The following MTCL1 variants were observed in gnomAD, a reference collection of about 807,000 sequenced individuals.
The protein encoded by MTCL1 is microtubule crosslinking factor 1, also known as microtubule cross-linking factor 1.
In MTCL1, 79 loss-of-function variants were observed where a neutral mutation model predicts 141.4. That is an observed-to-expected ratio of 0.56 (90% confidence interval 0.47 to 0.67). MTCL1 has a LOEUF of 0.67. MTCL1 is among the 30% of genes least tolerant of loss of function. The pLI, the probability that MTCL1 is intolerant of heterozygous loss-of-function variation, is 0.00. For missense variants in MTCL1, 2,177 were observed against 2,113.9 expected (o/e 1.03, Z -0.59); for synonymous variants, 914 against 875.8 (o/e 1.04, Z -0.77).
intron 7 of MTCL1, chr18:8,789,332 T>C (rs1187166629): frequency 1.1e-6 from 1 of 902,156 alleles, no homozygotes; most frequent in African/African-American, 1.8e-5. Flanking sequence ...CAGGACAAAA[T>C]GGAACCCTCC....
In MTCL1 at chr18:8,726,516, AGCGAGAGAGAGCGAGTGCGCATGCGCGC is replaced by A. The variant is rs2096214899; in HGVS notation, c.357+6024_357+6051del. 6.5e-5 allele frequency among the ~76,000 whole-genome samples: 8 copies of A among 123,034 alleles called. 1 individual carries two copies. Among genetic ancestry groups the A allele is most frequent in the South Asian group, 2.5e-4 (1 of 3,956 alleles). 80.7% of individuals were successfully genotyped at this position (123,034 alleles called of 152,430 possible). A position where few individuals can be genotyped will look rare whatever the true frequency, so the allele number is the denominator to read the frequency against. On this transcript the variant is annotated intron_variant, in intron 4 of 16. Coordinates refer to ENST00000359865, the Ensembl canonical transcript of MTCL1. Reference sequence around the variant, plus strand: ...GAGAGCGCGCGCGCGCGCAAGAGCGAGCGAGAGAGAGCGAGTGCGCATGCGCGCGCGCAACAAGCAATGTTCTGGTGTT... The same window carrying A: ...GAGAGCGCGCGCGCGCGCAAGAGCGAGCGCAACAAGCAATGTTCTGGTGTT...
chr18:8,813,313 G>C, intron 12 of MTCL1, 80 bp downstream of exon 11: 2 of 1,483,452 alleles, frequency 1.3e-6, no homozygotes, highest in Non-Finnish European at 1.8e-6. Context: ...AAAGCACTAG[G>C]CTGCTTCATG....
upstream of MTCL1, among the ~76,000 whole-genome samples, chr18:8,713,909 C>T (rs543563482): frequency 2.0e-5 from 3 of 152,242 alleles, no homozygotes; most frequent in East Asian, 5.8e-4. Flanking sequence ...CACCACTGCG[C>T]TCCAGGTTGG....
chr18:8,781,330 C>T (rs1039488572), intron 5 of MTCL1, among the ~76,000 whole-genome samples: 2 of 152,054 alleles, frequency 1.3e-5, no homozygotes, highest in Admixed American at 6.6e-5. Context: ...ACCCCAGCAG[C>T]GATGATAGCA....
chr18:8,706,835 TC>T (rs2096060660), intron 1 of MTCL1, 122 bp downstream of exon 1: 2 of 1,414,764 alleles, frequency 1.4e-6, no homozygotes, highest in South Asian at 1.5e-5. Context: ...CTCTCCACGG[TC>T]CTACCCCCGC....
In MTCL1 at chr18:8,779,922, C is replaced by T. The variant is rs368862096; in HGVS notation, c.417+2030C>T. 5.3e-5 allele frequency among the ~76,000 whole-genome samples: 8 copies of T among 152,114 alleles called. No homozygotes were observed. Among genetic ancestry groups the T allele is most frequent in the South Asian group, 2.1e-4 (1 of 4,800 alleles). ...TGACCTGGGTTTAGGTTCATGGAGA[C>T]GGAGGAGAATTGTTCTATGATAGAT... On this transcript the variant is annotated intron_variant, in intron 5 of 16. Transcript: ENST00000359865. The surrounding 1 kb of genome is among the most constrained non-coding windows in gnomAD (Gnocchi z 4.1).
chr18:8,832,256 G>T, exon 17 of MTCL1: 1 of 175,168 alleles, frequency 5.7e-6, no homozygotes, highest in Non-Finnish European at 1.2e-5. Context: ...TTTTGTCAGT[G>T]TTACTGTTTT....
chr18:8,766,632 C>T lies in MTCL1; in HGVS notation c.358-11201C>T, dbSNP rs528361985. On this transcript the variant is annotated intron_variant, in intron 4 of 16. Transcript: ENST00000359865. ...GCCTGTGTGTTCATTCCAGACAGCA[C>T]CAGAGATAATCAAACTGACTTCTTT... 2.0e-5 allele frequency among the ~76,000 whole-genome samples: 3 copies of T among 152,300 alleles called. No individual in the cohort carries two copies. In the South Asian group the frequency reaches 6.2e-4, roughly 32 times the overall value.
chr18:8,789,334 G>A (rs538469390), intron 7 of MTCL1: 2 of 906,870 alleles, frequency 2.2e-6, no homozygotes, highest in South Asian at 5.1e-5. Context: ...GGACAAAATG[G>A]AACCCTCCAG....
chr18:8,714,550 G>A (rs762705348), upstream of MTCL1, among the ~76,000 whole-genome samples: 2 of 152,160 alleles, frequency 1.3e-5, no homozygotes, highest in Admixed American at 6.5e-5. Context: ...CAAAGGAGGA[G>A]CAAAGACACA....
At chr18:8,795,709 C>T (rs1010223697) in intron 8 of MTCL1, among the ~76,000 whole-genome samples, 3 of 152,166 alleles carry the variant, frequency 2.0e-5, no homozygotes, top group Non-Finnish European at 4.4e-5. Context: ...CCTGCATATT[C>T]GGAAGAATTC....
At chr18:8,749,686 T>TG (rs2096360504) in intron 4 of MTCL1, among the ~76,000 whole-genome samples, 1 of 152,130 alleles carries the variant, frequency 6.6e-6, no homozygotes, top group Admixed American at 6.5e-5. Context: ...TGTAAATACC[T>TG]GTAAGCACAG....
intron 10 of MTCL1, chr18:8,802,038 CAATG>C (rs2076140397): frequency 6.6e-6 from 1 of 152,162 alleles, no homozygotes; most frequent in Non-Finnish European, 1.5e-5. Flanking sequence ...CTGGATGTAA[CAATG>C]AAGGTTACAT....
At chr18:8,712,163 T>C (rs922253471) in intron 1 of MTCL1, among the ~76,000 whole-genome samples, 3 of 152,352 alleles carry the variant, frequency 2.0e-5, no homozygotes, top group Non-Finnish European at 2.9e-5. Context: ...CTGTTTCTTT[T>C]TGCTTTGCTT....
chr18:8,764,392 A>C (rs1235384725), intron 4 of MTCL1, among the ~76,000 whole-genome samples: 1 of 151,356 alleles, frequency 6.6e-6, no homozygotes, highest in Non-Finnish European at 1.5e-5. Flanking sequence ...ATCTTGGCTC[A>C]CTGCAACCTC....
chr18:8,831,165 G>A (rs531268378), intron 16 of MTCL1: 2 of 990,640 alleles, frequency 2.0e-6, no homozygotes, highest in African/African-American at 1.7e-5. Context: ...CTCTTTGTGG[G>A]CTCCCAGTAG....
intron 11 of MTCL1, chr18:8,809,733 G>T: frequency 1.0e-6 from 1 of 976,482 alleles, no homozygotes; most frequent in Non-Finnish European, 1.5e-6. Flanking sequence ...CGGGTGCCTG[G>T]GCGATGGGCC....
At chr18:8,742,603 C>A (rs2096310722) in intron 4 of MTCL1, among the ~76,000 whole-genome samples, 1 of 152,182 alleles carries the variant, frequency 6.6e-6, no homozygotes. Flanking sequence ...TCTGTTACTT[C>A]CATCTGGTCC....
At chr18:8,715,834 A>G (rs2096125265), upstream of MTCL1, among the ~76,000 whole-genome samples, 1 of 152,188 alleles carries the variant, frequency 6.6e-6, no homozygotes. Context: ...TCAAAGCCTC[A>G]GTGATCAGGC....
Sources: gnomAD v4.1 joint callset for allele counts (sites outside exome capture counted in the v4.1 genomes callset) on GRCh38, gnomAD v4.1.1 for gene constraint, Gnocchi (gnomAD v3.1) non-coding constraint, MANE v1.5 for transcripts, NCBI Gene and HGNC (gene_info 2026-07-23, HGNC 2026-07-21) for gene names.